Variants in COL4A6 observed in about 807,000 individuals in gnomAD.
The protein encoded by COL4A6 is collagen type IV alpha 6 chain, also known as collagen alpha-6(IV) chain.
COL4A6 carries 59 observed loss-of-function variants against 126.7 expected under a neutral mutation model. The observed-to-expected ratio is 0.47, with a 90% CI of 0.38 to 0.58. COL4A6 has a LOEUF of 0.58. COL4A6 is among the 20% of genes least tolerant of loss of function. The probability of loss-of-function intolerance (pLI) is 0.00; values close to 1 mark genes in which losing one functional copy is unlikely to be tolerated. For synonymous variants in COL4A6, 547 were observed against 496.6 expected (o/e 1.10, Z -1.35); for missense variants, 1,285 against 1,337.3 (o/e 0.96, Z 0.61).
intron 2 of COL4A6, among the ~76,000 whole-genome samples, chrX:108,319,452 G>A (rs1201260816): frequency 1.8e-5 from 2 of 112,308 alleles, no homozygotes; most frequent in Non-Finnish European, 3.8e-5. Context: ...ACTGAAGCAT[G>A]TCAGTGTTAA....
At chrX:108,232,239 A>G (rs767985135) in intron 3 of COL4A6, among the ~76,000 whole-genome samples, 30 of 112,161 alleles carry the variant, frequency 2.7e-4, no homozygotes, top group Non-Finnish European at 5.1e-4. Context: ...TCCATAACAC[A>G]TTCATAAAAC....
chrX:108,278,593 C>T (rs745935387), intron 3 of COL4A6, among the ~76,000 whole-genome samples: 283 of 110,161 alleles, frequency 2.6e-3, no homozygotes, highest in Non-Finnish European at 2.8e-3. Flanking sequence ...GGAGAACTAC[C>T]CCAATCTAGC....
At chrX:108,269,102 A>G (rs2037385488) in intron 3 of COL4A6, 1 of 340,915 alleles carries the variant, frequency 2.9e-6, no homozygotes, top group South Asian at 2.6e-5. Flanking sequence ...GCAGAACCTC[A>G]CTGAAATGGT....
chrX:108,315,707 T>A (rs980179972), intron 2 of COL4A6, among the ~76,000 whole-genome samples: 1 of 111,804 alleles, frequency 8.9e-6, no homozygotes, highest in Admixed American at 9.5e-5. Context: ...TAAACCCAGC[T>A]CAACCATCTT....
intron 2 of COL4A6, among the ~76,000 whole-genome samples, chrX:108,388,275 A>G (rs1388690035): frequency 8.9e-6 from 1 of 112,140 alleles, no homozygotes; most frequent in African/African-American, 3.2e-5. Flanking sequence ...TCTTTGGAAT[A>G]GTTTCAAAAG....
At chrX:108,171,760 C>A (rs764153321) in intron 32 of COL4A6, among the ~76,000 whole-genome samples, 1 of 111,852 alleles carries the variant, frequency 8.9e-6, no homozygotes, top group Non-Finnish European at 1.9e-5. Context: ...CAGAATGGAA[C>A]AGTGATGCCA....
At chrX:108,311,308 C>T (rs2038754506) in intron 2 of COL4A6, among the ~76,000 whole-genome samples, 2 of 111,933 alleles carry the variant, frequency 1.8e-5, no homozygotes, top group Admixed American at 9.5e-5. Flanking sequence ...CATTTCAGCA[C>T]ACAATTCACA....
At chrX:108,436,480 C>CT (rs2064269246) in intron 2 of COL4A6, among the ~76,000 whole-genome samples, 1 of 112,741 alleles carries the variant, frequency 8.9e-6, no homozygotes, top group Non-Finnish European at 1.9e-5. Context: ...CAGCCAGAGT[C>CT]TAAAAATAAA....
chrX:108,188,478 T>C, intron 21 of COL4A6, 39 bp downstream of exon 21: 1 of 1,071,518 alleles, frequency 9.3e-7, no homozygotes, highest in Non-Finnish European at 1.2e-6. Flanking sequence ...CTTGAAAGAT[T>C]CCATTGCTTC....
intron 3 of COL4A6, among the ~76,000 whole-genome samples, chrX:108,276,473 T>C (rs1208841803): frequency 8.9e-6 from 1 of 112,726 alleles, no homozygotes; most frequent in Non-Finnish European, 1.9e-5. Context: ...GTTATAGTAT[T>C]AAGTTCTACC....
chrX:108,308,571 C>A (rs1390607730), intron 3 of COL4A6, among the ~76,000 whole-genome samples: 1 of 112,054 alleles, frequency 8.9e-6, no homozygotes, highest in Non-Finnish European at 1.9e-5. Context: ...AGGAAATTCA[C>A]AGAAGAAATA....
chrX:108,283,089 T>C (rs1436474088), intron 3 of COL4A6, among the ~76,000 whole-genome samples: 2 of 106,611 alleles, frequency 1.9e-5, no homozygotes, highest in Non-Finnish European at 3.9e-5. Flanking sequence ...ATGGCACATG[T>C]ATACATATGT....
chrX:108,418,015 ATTTTGATATTAAAACAATG>A (rs2041466507), intron 2 of COL4A6, among the ~76,000 whole-genome samples: 1 of 112,447 alleles, frequency 8.9e-6, no homozygotes, highest in South Asian at 3.7e-4. Flanking sequence ...GAGTGTTACC[ATTTTGATATTAAAACAATG>A]TTTCTTAAAC....
intron 3 of COL4A6, among the ~76,000 whole-genome samples, chrX:108,257,626 C>A (rs1281348417): frequency 9.0e-6 from 1 of 111,278 alleles, no homozygotes; most frequent in Admixed American, 9.6e-5. Context: ...TCCTTCTCTC[C>A]TCCACAGAGG....
At chrX:108,393,279 A>C (rs1218236874) in intron 2 of COL4A6, among the ~76,000 whole-genome samples, 1 of 112,629 alleles carries the variant, frequency 8.9e-6, no homozygotes, top group Non-Finnish European at 1.9e-5. Context: ...GTATATTTAT[A>C]CATTGGAATA....
At chrX:108,405,170 G>GT (rs1206173223) in intron 2 of COL4A6, among the ~76,000 whole-genome samples, 2 of 109,323 alleles carry the variant, frequency 1.8e-5, no homozygotes, top group African/African-American at 3.3e-5. Context: ...AGTATCATGG[G>GT]TTTTTTTTGT....
intron 2 of COL4A6, among the ~76,000 whole-genome samples, chrX:108,395,350 G>C (rs894307017): frequency 3.6e-5 from 4 of 111,800 alleles, no homozygotes; most frequent in Non-Finnish European, 7.5e-5. Context: ...TATTCTCTAT[G>C]ACAGCAGATC....
At chrX:108,346,834 T>G (rs1323829802) in intron 2 of COL4A6, among the ~76,000 whole-genome samples, 1 of 111,811 alleles carries the variant, frequency 8.9e-6, no homozygotes, top group Non-Finnish European at 1.9e-5. Flanking sequence ...GCCCAATTTT[T>G]GGTGAATTGG....
At chrX:108,271,512 G>T (rs2037451124) in intron 3 of COL4A6, among the ~76,000 whole-genome samples, 1 of 111,651 alleles carries the variant, frequency 9.0e-6, no homozygotes, top group African/African-American at 3.3e-5. Flanking sequence ...ATATTAAATG[G>T]ATTCAGTCAG....
Sources: allele counts gnomAD v4.1 joint callset (sites outside exome capture counted in the v4.1 genomes callset), GRCh38; gene constraint gnomAD v4.1.1; transcripts MANE v1.5; gene names NCBI Gene and HGNC (gene_info 2026-07-23, HGNC 2026-07-21).